The following OPCML variants were observed in gnomAD, a reference collection of about 807,000 sequenced individuals.
OPCML encodes opioid-binding protein/cell adhesion molecule.
Under a neutral mutation model 37.8 loss-of-function variants are expected in OPCML, and 13 were observed. The observed-to-expected ratio is 0.34, with a 90% CI of 0.22 to 0.55. The LOEUF is 0.55. OPCML is among the 20% of genes least tolerant of loss of function. OPCML has a pLI of 0.91. For missense variants in OPCML, 341 were observed against 435.6 expected, an observed-to-expected ratio of 0.78 and a Z score of 1.93; for synonymous variants, 176 against 168.8, an observed-to-expected ratio of 1.04 and a Z score of -0.33.
At chr11:132,650,312 A>G (rs950241694) in intron 3 of OPCML, among the ~76,000 whole-genome samples, 1 of 152,200 alleles carries the variant, frequency 6.6e-6, no homozygotes, top group African/African-American at 2.4e-5. Flanking sequence ...TAATTGTGCC[A>G]TCGGCGGGTG....
chr11:132,566,815 G>A (rs368507746), intron 3 of OPCML, among the ~76,000 whole-genome samples: 4 of 152,206 alleles, frequency 2.6e-5, no homozygotes, highest in Non-Finnish European at 4.4e-5. Context: ...TGTCTAAGTC[G>A]AGATGCAAAA....
In OPCML at chr11:133,315,608, G is replaced by C. The variant is rs552179464; in HGVS notation, c.61+216656C>G. ...GAGGTCAAGAGTTTAAGACCAGCCTGGTCAACATGGTGAATCCCTGTCTCT... is the reference window on the plus strand; with the variant it reads ...GAGGTCAAGAGTTTAAGACCAGCCTCGTCAACATGGTGAATCCCTGTCTCT... On this transcript the variant is annotated intron_variant, in intron 1 of 7. Coordinates refer to ENST00000524381, the MANE Select transcript of OPCML (RefSeq NM_001012393.5). Among the ~76,000 whole-genome samples, 242 of 152,322 alleles carry C rather than the reference G, an allele frequency of 1.6e-3. 1 individual carries two copies. The highest frequency in any genetic ancestry group is 5.5e-3 in the African/African-American group (227 of 41,566).
At chr11:132,669,576 GC>G (rs750115174) in intron 2 of OPCML, among the ~76,000 whole-genome samples, 2 of 152,170 alleles carry the variant, frequency 1.3e-5, no homozygotes, top group Non-Finnish European at 2.9e-5. Flanking sequence ...TGAGCAAGCT[GC>G]TCGGGTATTG....
chr11:133,159,616 GAAGT>G (rs1422583005), intron 1 of OPCML, among the ~76,000 whole-genome samples: 1 of 152,196 alleles, frequency 6.6e-6, no homozygotes, highest in Non-Finnish European at 1.5e-5. Context: ...ATTCAAGAGC[GAAGT>G]AATAAATCTG....
At chr11:133,252,456 ATC>A (rs919936587) in intron 1 of OPCML, among the ~76,000 whole-genome samples, 43 of 152,110 alleles carry the variant, frequency 2.8e-4, no homozygotes, top group African/African-American at 1.0e-3. Flanking sequence ...TTGTAAATTA[ATC>A]TGTCACCCAT....
At chr11:133,053,297 A>G (rs556160255) in intron 1 of OPCML, among the ~76,000 whole-genome samples, 13 of 152,200 alleles carry the variant, frequency 8.5e-5, no homozygotes, top group Non-Finnish European at 1.6e-4. Context: ...CATGGCGTGC[A>G]TTGTGATTAT....
chr11:132,474,006 T>C (rs1344859345), intron 4 of OPCML, among the ~76,000 whole-genome samples: 2 of 151,996 alleles, frequency 1.3e-5, no homozygotes, highest in Non-Finnish European at 1.5e-5. Flanking sequence ...CTCAGGTATG[T>C]AGCTGAGCCA....
intron 3 of OPCML, among the ~76,000 whole-genome samples, chr11:132,597,706 C>G (rs2096494612): frequency 6.6e-6 from 1 of 152,140 alleles, no homozygotes; most frequent in Non-Finnish European, 1.5e-5. Context: ...CAGGGCTTGA[C>G]CACGGCTGAT....
At chr11:133,326,491 T>G (rs1592203549) in intron 1 of OPCML, among the ~76,000 whole-genome samples, 3 of 101,590 alleles carry the variant, frequency 3.0e-5, no homozygotes, top group South Asian at 3.7e-4. Flanking sequence ...TGAGGGGGTG[T>G]GGGTGTGTGT....
intron 2 of OPCML, among the ~76,000 whole-genome samples, chr11:132,710,084 C>A (rs190602817): frequency 1.5e-3 from 223 of 152,290 alleles, no homozygotes; most frequent in Non-Finnish European, 2.2e-3. Flanking sequence ...TAGTGGTTCT[C>A]CAACTCTGGT....
At chr11:133,367,073 G>T (rs181372908) in intron 1 of OPCML, among the ~76,000 whole-genome samples, 6 of 152,208 alleles carry the variant, frequency 3.9e-5, no homozygotes, top group African/African-American at 9.6e-5. Context: ...CTGACTCCCT[G>T]GTTCAAGTGA....
At chr11:132,501,093 TG>T (rs10712079) in intron 4 of OPCML, among the ~76,000 whole-genome samples, 34,129 of 152,156 alleles carry the variant, frequency 0.22, 4,000 homozygotes, top group African/African-American at 0.28. Flanking sequence ...CTGGGCCAAA[TG>T]GTATTTCTGC....
intron 1 of OPCML, among the ~76,000 whole-genome samples, chr11:133,436,524 G>A (rs929173273): frequency 6.6e-6 from 1 of 152,158 alleles, no homozygotes; most frequent in Non-Finnish European, 1.5e-5. Context: ...GAGGTTCTGG[G>A]CTGTTAAGCT....
At chr11:133,420,293 C>G in intron 1 of OPCML, 2 of 985,382 alleles carry the variant, frequency 2.0e-6, no homozygotes, top group African/African-American at 1.7e-5. Flanking sequence ...GTCTTTGGCA[C>G]GAAGTGCAAA....
At chr11:132,738,467 G>A (rs1945329214) in intron 2 of OPCML, among the ~76,000 whole-genome samples, 1 of 152,144 alleles carries the variant, frequency 6.6e-6, no homozygotes, top group African/African-American at 2.4e-5. Context: ...TTCAGTTTGA[G>A]GTGATCAAGG....
At chr11:132,698,130 C>T (rs1397668962) in intron 2 of OPCML, among the ~76,000 whole-genome samples, 2 of 151,788 alleles carry the variant, frequency 1.3e-5, no homozygotes, top group African/African-American at 2.4e-5. Context: ...ACACCCAGCC[C>T]TGATTTCAAT....
At chr11:132,900,313 C>T (rs940753520) in intron 2 of OPCML, among the ~76,000 whole-genome samples, 1 of 152,096 alleles carries the variant, frequency 6.6e-6, no homozygotes, top group Non-Finnish European at 1.5e-5. Context: ...TCTTTTCTTC[C>T]TCTGATATGC....
At chr11:133,416,708 T>C (rs753529588) in intron 1 of OPCML, among the ~76,000 whole-genome samples, 12 of 152,208 alleles carry the variant, frequency 7.9e-5, no homozygotes, top group Admixed American at 5.2e-4. Flanking sequence ...ACATGAAATA[T>C]CTTTGATTTT....
intron 1 of OPCML, among the ~76,000 whole-genome samples, chr11:133,046,756 A>G (rs888424186): frequency 6.6e-6 from 1 of 152,164 alleles, no homozygotes; most frequent in African/African-American, 2.4e-5. Context: ...TTAATGCCAC[A>G]AAAGGAAATT....
Sources: gnomAD v4.1 joint callset for allele counts (sites outside exome capture counted in the v4.1 genomes callset) on GRCh38, gnomAD v4.1.1 for gene constraint, MANE v1.5 for transcripts, NCBI Gene and HGNC (gene_info 2026-07-23, HGNC 2026-07-21) for gene names.